The following HSPA12A variants were observed in gnomAD, a reference collection of about 807,000 sequenced individuals.
The protein encoded by HSPA12A is heat shock 70 kDa protein 12A.
Under a neutral mutation model 69.2 loss-of-function variants are expected in HSPA12A, and 28 were observed. The observed-to-expected ratio is 0.40, with a 90% CI of 0.30 to 0.55. The LOEUF is 0.55. HSPA12A is among the 20% of genes least tolerant of loss of function. HSPA12A has a pLI of 0.38. For missense variants in HSPA12A, 686 were observed against 900.7 expected, an observed-to-expected ratio of 0.76 and a Z score of 3.05; for synonymous variants, 345 against 370.5, an observed-to-expected ratio of 0.93 and a Z score of 0.79.
intron 5 of HSPA12A, among the ~76,000 whole-genome samples, chr10:116,696,625 C>G (rs1448867475): frequency 1.3e-5 from 2 of 152,146 alleles, no homozygotes; most frequent in African/African-American, 4.8e-5. Context: ...ATACAACACT[C>G]TACTACTATC....
chr10:116,696,683 C>A (rs186709131), intron 5 of HSPA12A, among the ~76,000 whole-genome samples: 29 of 152,248 alleles, frequency 1.9e-4, no homozygotes, highest in African/African-American at 7.0e-4. Context: ...TTTGAGGACT[C>A]CCCATTAACC....
intron 5 of HSPA12A, 47 bp from the exon 6 acceptor site, chr10:116,692,514 C>A: frequency 7.0e-7 from 1 of 1,434,586 alleles, no homozygotes; most frequent in Non-Finnish European, 9.8e-7. Context: ...GCAGCTGGTT[C>A]CTGGAGCAGC....
At chr10:116,729,512 A>AC (rs1400616243) in intron 1 of HSPA12A, among the ~76,000 whole-genome samples, 27 of 151,788 alleles carry the variant, frequency 1.8e-4, no homozygotes, top group Non-Finnish European at 3.2e-4. Context: ...ATAACTTTTG[A>AC]CCCCCCCAAA....
At chr10:116,731,123 C>T (rs1031312801) in intron 1 of HSPA12A, among the ~76,000 whole-genome samples, 1 of 152,246 alleles carries the variant, frequency 6.6e-6, no homozygotes, top group Admixed American at 6.5e-5. Flanking sequence ...TGGAGGGCCC[C>T]GGAGTTGGTC....
chr10:116,823,065 T>C (rs1396758440), intron 2 of HSPA12A, among the ~76,000 whole-genome samples: 1 of 152,200 alleles, frequency 6.6e-6, no homozygotes, highest in Non-Finnish European at 1.5e-5. Context: ...TGTCTGAGGT[T>C]AGAGTACAGA....
rs1849148700 is a variant in HSPA12A, at chr10:116,673,701, T to G, written c.*1080A>C. 1 of 152,170 alleles carries G rather than the reference T, an allele frequency of 6.6e-6. No individual in the cohort carries two copies. The highest frequency in any genetic ancestry group is 2.4e-5 in the African/African-American group (1 of 41,436). 9.4% of individuals were successfully genotyped at this position (152,170 alleles called of 1,614,324 possible). On this transcript the variant is annotated 3_prime_UTR_variant, in exon 12 of 12. Transcript: ENST00000369209. The stretch of plus-strand genomic sequence containing the variant: ...ACATCAAGTATAGATCTACAAATTA[T>G]TTTTAGAGAGACTTGAAAAACTGAA...
intron 1 of HSPA12A, among the ~76,000 whole-genome samples, chr10:116,842,644 T>G (rs552152227): frequency 6.6e-5 from 10 of 152,212 alleles, no homozygotes; most frequent in Admixed American, 1.3e-4. Flanking sequence ...TGAGATGGAG[T>G]CTTGCTCTGT....
At chr10:116,783,914 G>A (rs1382018525) in intron 2 of HSPA12A, among the ~76,000 whole-genome samples, 2 of 152,176 alleles carry the variant, frequency 1.3e-5, no homozygotes, top group African/African-American at 4.8e-5. Flanking sequence ...ATGTTGGCCA[G>A]TACGGTCTTG....
intron 1 of HSPA12A, among the ~76,000 whole-genome samples, chr10:116,737,606 A>T (rs1424286268): frequency 6.6e-6 from 1 of 152,226 alleles, no homozygotes; most frequent in Admixed American, 6.5e-5. Flanking sequence ...AAAGAGGCAT[A>T]AACTAGAACT....
intron 1 of HSPA12A, among the ~76,000 whole-genome samples, chr10:116,734,650 CTT>C (rs10631951): frequency 5.2e-5 from 7 of 133,800 alleles, no homozygotes; most frequent in Non-Finnish European, 4.7e-5. Flanking sequence ...AGATTTTCAG[CTT>C]TTTTTTTTTT....
chr10:116,798,172 G>A (rs562433323), intron 2 of HSPA12A, among the ~76,000 whole-genome samples: 8 of 151,930 alleles, frequency 5.3e-5, no homozygotes, highest in South Asian at 2.1e-4. Context: ...GTAGAGGGGC[G>A]GGGCGGTGGG....
chr10:116,730,999 G>A (rs1352803509), intron 1 of HSPA12A, among the ~76,000 whole-genome samples: 4 of 152,212 alleles, frequency 2.6e-5, no homozygotes. Context: ...TCCCAGGCGT[G>A]GGCCAGCTTC....
intron 1 of HSPA12A, among the ~76,000 whole-genome samples, chr10:116,721,629 G>A (rs1462908519): frequency 6.6e-6 from 1 of 152,128 alleles, no homozygotes; most frequent in Non-Finnish European, 1.5e-5. Flanking sequence ...CAGGGTAAGA[G>A]CAAACAAACT....
At chr10:116,679,472 T>C in intron 10 of HSPA12A, 31 bp downstream of exon 10, 1 of 1,607,832 alleles carries the variant, frequency 6.2e-7, no homozygotes, top group Non-Finnish European at 8.5e-7. Flanking sequence ...CGCTAGAATG[T>C]CCAGAGCCCG....
At chr10:116,824,530 G>A (rs1845464463) in intron 2 of HSPA12A, among the ~76,000 whole-genome samples, 1 of 152,206 alleles carries the variant, frequency 6.6e-6, no homozygotes, top group Admixed American at 6.5e-5. Context: ...AACAAACCAT[G>A]TTCTATCCAT....
intron 2 of HSPA12A, among the ~76,000 whole-genome samples, chr10:116,783,462 T>C (rs1209277326): frequency 6.6e-6 from 1 of 152,150 alleles, no homozygotes; most frequent in Non-Finnish European, 1.5e-5. Flanking sequence ...TGAATGAGCG[T>C]GTGGGTGGAC....
chr10:116,715,876 G>A (rs1026548651), intron 1 of HSPA12A, among the ~76,000 whole-genome samples: 1 of 152,228 alleles, frequency 6.6e-6, no homozygotes, highest in African/African-American at 2.4e-5. Flanking sequence ...TTTTGGACCT[G>A]GGTCTCAGGG....
intron 2 of HSPA12A, among the ~76,000 whole-genome samples, chr10:116,825,930 G>A (rs1845494773): frequency 6.6e-6 from 1 of 152,198 alleles, no homozygotes. Flanking sequence ...AAAACAGGCT[G>A]TGAAACCACA....
exon 1 of HSPA12A, chr10:116,849,694 C>A: frequency 6.5e-7 from 1 of 1,544,506 alleles, no homozygotes; most frequent in South Asian, 1.2e-5. Flanking sequence ...CTCAACTCCA[C>A]CTTCTACCTC....
Sources: allele counts gnomAD v4.1 joint callset (sites outside exome capture counted in the v4.1 genomes callset), GRCh38; gene constraint gnomAD v4.1.1; transcripts MANE v1.5; gene names NCBI Gene and HGNC (gene_info 2026-07-23, HGNC 2026-07-21).